PCDHA4: variants seen among roughly 807,000 people sequenced by gnomAD.
The protein encoded by PCDHA4 is protocadherin alpha-4.
PCDHA4 carries 49 observed loss-of-function variants against 61.4 expected under a neutral mutation model. The ratio of observed to expected loss-of-function variants is 0.80; its 90% CI spans 0.63 to 1.01. PCDHA4 has a LOEUF of 1.01. PCDHA4 is among the 50% of genes least tolerant of loss of function. The pLI, the probability that PCDHA4 is intolerant of heterozygous loss-of-function variation, is 0.00. For missense variants in PCDHA4, 1,254 were observed against 1,235.8 expected (o/e 1.01, Z -0.22); for synonymous variants, 590 against 550.3 (o/e 1.07, Z -1.01).
intron 1 of PCDHA4, among the ~76,000 whole-genome samples, chr5:140,837,441 C>A (rs1199592642): frequency 6.6e-6 from 1 of 151,714 alleles, no homozygotes; most frequent in Admixed American, 6.6e-5. Flanking sequence ...AAATCTAGTA[C>A]GTAGTAAAAA....
At chr5:140,923,616 A>T (rs2081445050) in intron 1 of PCDHA4, among the ~76,000 whole-genome samples, 1 of 152,234 alleles carries the variant, frequency 6.6e-6, no homozygotes, top group African/African-American at 2.4e-5. Flanking sequence ...TTATCTGGTC[A>T]TCTTATCCAA....
At chr5:140,972,514 A>G (rs2096539827) in intron 1 of PCDHA4, among the ~76,000 whole-genome samples, 1 of 152,260 alleles carries the variant, frequency 6.6e-6, no homozygotes, top group Admixed American at 6.5e-5. Context: ...TTTTACCCCC[A>G]GTGAGCTTAT....
chr5:140,884,443 A>G (rs568353165), intron 1 of PCDHA4: 2 of 1,613,454 alleles, frequency 1.2e-6, no homozygotes, highest in South Asian at 2.2e-5. Flanking sequence ...GGTGCTCGGC[A>G]CCGCCCACCG....
At chr5:140,877,525 G>A (rs1562735759) in intron 1 of PCDHA4, 7 of 1,613,804 alleles carry the variant, frequency 4.3e-6, no homozygotes, top group Non-Finnish European at 5.9e-6. Flanking sequence ...GGCCTCAGTG[G>A]GCGCTGTGGA....
chr5:140,829,969 G>T, intron 1 of PCDHA4: 1 of 1,614,010 alleles, frequency 6.2e-7, no homozygotes, highest in South Asian at 1.1e-5. Flanking sequence ...GCGTGGGGCT[G>T]TACACGGGCG....
At chr5:140,966,314 G>C (rs1255868901) in intron 1 of PCDHA4, 2 of 388,054 alleles carry the variant, frequency 5.2e-6, no homozygotes, top group Middle Eastern at 6.5e-4. Flanking sequence ...GTGTTCCTGC[G>C]GTCCGCTGGG....
At chr5:140,982,337 A>T in intron 2 of PCDHA4, 138 bp from the exon 3 acceptor site, 1 of 1,455,066 alleles carries the variant, frequency 6.9e-7, no homozygotes, top group Non-Finnish European at 9.1e-7. Flanking sequence ...CTCAGCAGTA[A>T]TTGCTTCAGT....
intron 1 of PCDHA4, chr5:140,843,437 G>A: frequency 6.3e-7 from 1 of 1,596,076 alleles, no homozygotes; most frequent in Non-Finnish European, 8.6e-7. Context: ...CGCCATCTGC[G>A]CGGTATCCAG....
intron 1 of PCDHA4, among the ~76,000 whole-genome samples, chr5:140,915,707 T>C (rs545075490): frequency 1.3e-4 from 19 of 151,930 alleles, no homozygotes; most frequent in Non-Finnish European, 2.6e-4. Flanking sequence ...AGCACTCCTG[T>C]GGCCCCCACT....
intron 1 of PCDHA4, among the ~76,000 whole-genome samples, chr5:140,918,605 G>T (rs2078775246): frequency 6.6e-6 from 1 of 152,198 alleles, no homozygotes; most frequent in Non-Finnish European, 1.5e-5. Flanking sequence ...ATGTTGCTAT[G>T]ATATGAATGT....
rs1310704954 is a variant in PCDHA4, at chr5:141,010,062, A to C, written c.*125A>C. 1.2e-6 allele frequency: 2 copies of C among 1,602,540 alleles called. No homozygotes were observed. The highest frequency in any genetic ancestry group is 1.7e-6 in the Non-Finnish European group (2 of 1,174,354). Reference sequence around the variant, plus strand: ...CCTCTTAGAGACCTCAGAAATCTGCAGAAAGTTCCCTGTGTCTGTCTAGAA... The same window carrying C: ...CCTCTTAGAGACCTCAGAAATCTGCCGAAAGTTCCCTGTGTCTGTCTAGAA... On this transcript the variant is annotated 3_prime_UTR_variant, in exon 4 of 4. Transcript: ENST00000530339.
At chr5:140,938,218 T>C (rs1050033125) in intron 1 of PCDHA4, among the ~76,000 whole-genome samples, 1 of 152,210 alleles carries the variant, frequency 6.6e-6, no homozygotes, top group Admixed American at 6.5e-5. Flanking sequence ...AGTGCTGGGA[T>C]TACAGGCATA....
rs1450871721 is a variant in PCDHA4, at chr5:140,999,541, C to T, written c.2534-10086C>T. 3.3e-5 allele frequency among the ~76,000 whole-genome samples: 5 copies of T among 152,150 alleles called. No individual in the cohort carries two copies. The East Asian group carries it at 9.7e-4, about 29-fold the overall frequency. On this transcript the variant is annotated intron_variant, in intron 3 of 3. Coordinates refer to ENST00000530339, the MANE Select transcript of PCDHA4 (RefSeq NM_018907.4). ...TTTGTTACCCCCTGGATATGACAGC[C>T]AATGAAGAGGGGGTATTTTGAGAAG...
chr5:141,000,421 ATT>A (rs34755515), intron 3 of PCDHA4, among the ~76,000 whole-genome samples: 627 of 27,724 alleles, frequency 0.023, 1 homozygote, highest in Middle Eastern at 0.071. Context: ...ATATATATAT[ATT>A]TTTTTTTTTT....
chr5:140,844,840 G>A lies in PCDHA4; in HGVS notation c.2385+35268G>A, dbSNP rs2150374183. 8.0e-5 allele frequency among the ~76,000 whole-genome samples: 12 copies of A among 149,088 alleles called. No homozygotes were observed. In the East Asian group the frequency reaches 1.9e-3, roughly 24 times the overall value. On this transcript the variant is annotated intron_variant, in intron 1 of 3. Transcript: ENST00000530339. ...TTGTCTTTTTACACGTTTGCTTCTT[G>A]TGACTGTTGGACCTGCCTGGATATT...
Position 140,843,508 on chromosome 5 carries a change from G to A in PCDHA4, c.2385+33936G>A, listed in dbSNP as rs2150361368. On this transcript the variant is annotated intron_variant, in intron 1 of 3. Transcript: ENST00000530339. ...TGCGGTGCTCAGCACTGCCCACTGA[G>A]GGCGGGTGCCGGGCGGGCAAGCCCA... 2.5e-6 allele frequency: 4 copies of A among 1,596,038 alleles called. No individual in the cohort carries two copies. The Admixed American group carries it at 6.7e-5, about 27-fold the overall frequency.
chr5:140,855,215 A>G (rs1201048316), intron 1 of PCDHA4, among the ~76,000 whole-genome samples: 8 of 150,030 alleles, frequency 5.3e-5, no homozygotes, highest in East Asian at 1.9e-4. Context: ...CCATTTATGA[A>G]GCACTCATTC....
At chr5:140,907,071 C>T (rs1220660624) in intron 1 of PCDHA4, among the ~76,000 whole-genome samples, 1 of 152,156 alleles carries the variant, frequency 6.6e-6, no homozygotes, top group African/African-American at 2.4e-5. Flanking sequence ...TAGTGGGTCA[C>T]TAGGGGTGAT....
chr5:140,870,560 A>G, intron 1 of PCDHA4: 1 of 1,614,000 alleles, frequency 6.2e-7, no homozygotes, highest in Middle Eastern at 1.7e-4. Flanking sequence ...GCGCAGGAGA[A>G]CGCGCTGGTG....
Sources: allele counts gnomAD v4.1 joint callset (sites outside exome capture counted in the v4.1 genomes callset), GRCh38; gene constraint gnomAD v4.1.1; transcripts MANE v1.5; gene names NCBI Gene and HGNC (gene_info 2026-07-23, HGNC 2026-07-21).